Variants in KIAA0825 observed in about 807,000 individuals in gnomAD.
KIAA0825 encodes uncharacterized protein KIAA0825.
In KIAA0825, 119 loss-of-function variants were observed where a neutral mutation model predicts 147.6. That is an observed-to-expected ratio of 0.81 (90% CI 0.69 to 0.94). The LOEUF (loss-of-function observed/expected upper bound fraction) is 0.94, where lower values mean the gene tolerates loss of function less well. Ranked by LOEUF, KIAA0825 falls within the 40% of genes least tolerant of loss-of-function variation. KIAA0825 has a pLI of 0.00. For synonymous variants in KIAA0825, 470 were observed against 518.1 expected, an observed-to-expected ratio of 0.91 and a Z score of 1.26; for missense variants, 1,381 against 1,472.7, an observed-to-expected ratio of 0.94 and a Z score of 1.02.
intron 2 of KIAA0825, among the ~76,000 whole-genome samples, chr5:94,553,451 G>GA (rs962655071): frequency 0.023 from 2,972 of 128,296 alleles, 81 homozygotes; most frequent in African/African-American, 0.07. Flanking sequence ...AAAAAAAAAA[G>GA]AAAAAAAAAA....
At chr5:94,405,935 TA>T (rs1479438889) in intron 15 of KIAA0825, among the ~76,000 whole-genome samples, 2 of 152,096 alleles carry the variant, frequency 1.3e-5, no homozygotes, top group East Asian at 1.9e-4. Context: ...TTTTTATTTT[TA>T]TTTTTTTTTG....
intron 5 of KIAA0825, among the ~76,000 whole-genome samples, chr5:94,504,725 C>G (rs1465934207): frequency 6.7e-6 from 1 of 149,616 alleles, no homozygotes; most frequent in Non-Finnish European, 1.5e-5. Flanking sequence ...TTTAGAATTA[C>G]GCCCGTGTGA....
At chr5:94,254,667 A>C (rs905678905) in intron 20 of KIAA0825, among the ~76,000 whole-genome samples, 2 of 152,150 alleles carry the variant, frequency 1.3e-5, no homozygotes, top group Admixed American at 1.3e-4. Context: ...TATGATATTG[A>C]CAAGTTTAAT....
At chr5:94,370,053 G>A (rs1312842414) in intron 20 of KIAA0825, among the ~76,000 whole-genome samples, 4 of 152,008 alleles carry the variant, frequency 2.6e-5, no homozygotes, top group South Asian at 2.1e-4. Flanking sequence ...TGTTTTTAGA[G>A]GCTTTATTCA....
intron 20 of KIAA0825, among the ~76,000 whole-genome samples, chr5:94,330,072 C>T (rs552790766): frequency 1.2e-4 from 19 of 152,194 alleles, no homozygotes; most frequent in African/African-American, 2.4e-5. Context: ...TGGACACCCT[C>T]AGTATCCTGA....
chr5:94,512,440 G>A (rs1766624271), intron 5 of KIAA0825, among the ~76,000 whole-genome samples: 1 of 151,832 alleles, frequency 6.6e-6, no homozygotes, highest in Admixed American at 6.6e-5. Flanking sequence ...ACAGAACTAG[G>A]CATTCACATT....
At chr5:94,284,406 C>A (rs147426544) in intron 20 of KIAA0825, among the ~76,000 whole-genome samples, 2 of 152,134 alleles carry the variant, frequency 1.3e-5, no homozygotes, top group Non-Finnish European at 2.9e-5. Flanking sequence ...ACACTGTGCA[C>A]GGCAACTGCC....
At chr5:94,281,422 G>T (rs1345705852) in intron 20 of KIAA0825, among the ~76,000 whole-genome samples, 2 of 152,100 alleles carry the variant, frequency 1.3e-5, no homozygotes, top group Non-Finnish European at 2.9e-5. Context: ...AAACCACCTG[G>T]GAAGATTTTA....
chr5:94,401,755 G>T (rs1751406845), intron 16 of KIAA0825, among the ~76,000 whole-genome samples: 1 of 152,068 alleles, frequency 6.6e-6, no homozygotes, highest in Non-Finnish European at 1.5e-5. Flanking sequence ...AGTTATACTA[G>T]TCTCCTGGCA....
intron 1 of KIAA0825, among the ~76,000 whole-genome samples, chr5:94,602,375 A>G (rs1585015382): frequency 6.6e-6 from 1 of 151,980 alleles, no homozygotes; most frequent in East Asian, 1.9e-4. Context: ...AAGATATTCC[A>G]TGAGAAGATC....
intron 5 of KIAA0825, among the ~76,000 whole-genome samples, chr5:94,516,112 C>T (rs1308192557): frequency 6.6e-6 from 1 of 152,040 alleles, no homozygotes; most frequent in Non-Finnish European, 1.5e-5. Context: ...CCATACAATA[C>T]CAAGATGTGG....
At chr5:94,417,941 T>G (rs888069006) in intron 14 of KIAA0825, among the ~76,000 whole-genome samples, 2 of 152,298 alleles carry the variant, frequency 1.3e-5, no homozygotes, top group East Asian at 3.9e-4. Flanking sequence ...CAACAAAAAT[T>G]GGGCCATTTT....
At chr5:94,320,967 A>G (rs944195809) in intron 20 of KIAA0825, among the ~76,000 whole-genome samples, 4 of 152,204 alleles carry the variant, frequency 2.6e-5, no homozygotes, top group Admixed American at 2.6e-4. Flanking sequence ...GAGAAGGGAA[A>G]ATGAAAAGGC....
intron 2 of KIAA0825, among the ~76,000 whole-genome samples, chr5:94,562,873 A>G (rs1454221233): frequency 6.6e-6 from 1 of 152,206 alleles, no homozygotes; most frequent in East Asian, 1.9e-4. Flanking sequence ...ACTGCAGGGG[A>G]GAAACTACTT....
chr5:94,428,186 TG>T, intron 14 of KIAA0825, among the ~76,000 whole-genome samples: 1 of 148,394 alleles, frequency 6.7e-6, no homozygotes, highest in Admixed American at 6.7e-5. Flanking sequence ...TGTGTGTGTG[TG>T]TGTGTGTTTT....
chr5:94,412,565 T>C (rs1752908432), intron 15 of KIAA0825, among the ~76,000 whole-genome samples: 1 of 151,812 alleles, frequency 6.6e-6, no homozygotes. Context: ...CACACCCAGC[T>C]AATTTTTGTA....
chr5:94,565,095 C>CTTTTTTTTTTTTTTTTTTTTTT lies in KIAA0825; in HGVS notation c.-2+17337_-2+17338insAAAAAAAAAAAAAAAAAAAAAA. On this transcript the variant is annotated intron_variant, in intron 2 of 20. Transcript: ENST00000682413. ...CTCTTTCTCTCTCTTTCTTGCTTTC[C>CTTTTTTTTTTTTTTTTTTTTTT]TTTTTTTTTTTTTTTTTTGGTAGAG... Among the ~76,000 whole-genome samples the CTTTTTTTTTTTTTTTTTTTTTT allele has an allele frequency of 1.6e-3, 84 of 52,924 alleles. 9 individuals carry two copies. Among genetic ancestry groups the CTTTTTTTTTTTTTTTTTTTTTT allele is most frequent in the Non-Finnish European group, 2.1e-3 (57 of 27,326 alleles). 34.7% of individuals were successfully genotyped at this position (52,924 alleles called of 152,430 possible).
chr5:94,379,004 G>A (rs1311831282), intron 20 of KIAA0825, among the ~76,000 whole-genome samples: 1 of 152,112 alleles, frequency 6.6e-6, no homozygotes, highest in African/African-American at 2.4e-5. Context: ...GTGGATATTA[G>A]ACCTTTGTCA....
chr5:94,581,629 T>A (rs1442896605), intron 2 of KIAA0825, among the ~76,000 whole-genome samples: 1 of 152,206 alleles, frequency 6.6e-6, no homozygotes, highest in Non-Finnish European at 1.5e-5. Context: ...TCCTGAATTT[T>A]GTCATTTGGT....
Sources: gnomAD v4.1 joint callset for allele counts (sites outside exome capture counted in the v4.1 genomes callset) on GRCh38, gnomAD v4.1.1 for gene constraint, MANE v1.5 for transcripts, NCBI Gene and HGNC (gene_info 2026-07-23, HGNC 2026-07-21) for gene names.